Variants in STON2 observed in about 807,000 individuals in gnomAD.
The protein encoded by STON2 is stonin-2.
STON2 carries 29 observed loss-of-function variants against 65.7 expected under a neutral mutation model. That is an observed-to-expected ratio of 0.44 (90% CI 0.33 to 0.60). The LOEUF (loss-of-function observed/expected upper bound fraction) is 0.60. Ranked by LOEUF, STON2 falls within the 20% of genes least tolerant of loss-of-function variation. The pLI is 0.03. For synonymous variants in STON2, 404 were observed against 414.2 expected (o/e 0.98, Z 0.30); for missense variants, 1,054 against 1,118.1 (o/e 0.94, Z 0.82).
In STON2 at chr14:81,267,044, A is replaced by T. The variant is rs1894383898; in HGVS notation, c.*1370T>A. ...CATTGAATACATTAATCTTGAATCC[A>T]TCAGCCAAAAACTGGAGATATTTTT... On this transcript the variant is annotated 3_prime_UTR_variant, in exon 8 of 8. Transcript: ENST00000614646. The T allele has an allele frequency of 3.0e-6, 3 of 985,318 alleles. No homozygotes were observed. Among genetic ancestry groups the T allele is most frequent in the Non-Finnish European group, 1.2e-6 (1 of 829,902 alleles). 61.0% of individuals were successfully genotyped at this position (985,318 alleles called of 1,614,324 possible). A position where few individuals can be genotyped will look rare whatever the true frequency, so the allele number is the denominator to read the frequency against.
intron 5 of STON2, among the ~76,000 whole-genome samples, chr14:81,294,892 T>C (rs1895699564): frequency 6.6e-6 from 1 of 152,332 alleles, no homozygotes; most frequent in South Asian, 2.1e-4. Flanking sequence ...TTCTAAACAT[T>C]CAAAAGTGCT....
intron 3 of STON2, among the ~76,000 whole-genome samples, chr14:81,383,347 G>C (rs144912984): frequency 0.013 from 2,028 of 152,310 alleles, 53 homozygotes; most frequent in African/African-American, 0.046. Flanking sequence ...TGAGGCACTA[G>C]CAAAAGTGCT....
Position 81,265,442 on chromosome 14 carries a change from G to A in STON2, c.*2972C>T, listed in dbSNP as rs1894318598. 1 of 727,106 alleles carries A rather than the reference G, an allele frequency of 1.4e-6. No homozygotes were observed. Among genetic ancestry groups the A allele is most frequent in the Non-Finnish European group, 1.7e-6 (1 of 594,770 alleles). 45.0% of individuals were successfully genotyped at this position (727,106 alleles called of 1,614,324 possible). ...GACTGAGGCAGGCTTATCACCTGAG[G>A]TCAGACATTCGAGACCAGCCTGGCC... On this transcript the variant is annotated 3_prime_UTR_variant, in exon 8 of 8. Coordinates refer to ENST00000614646, the MANE Select transcript of STON2 (RefSeq NM_001394390.1).
chr14:81,371,088 T>C lies in STON2; in HGVS notation c.471A>G (p.Glu157=). The change falls in exon 4 of 8, where the codon GAA becomes GAG. Residue 157 remains glutamate, a synonymous_variant. Transcript: ENST00000614646. ...ATCCAAAGCTAGGACTGCTGGTGTC[T>C]TCAGAATGGGTGGTCCAGCTGCTCT... ...TSESSWTTHS[E]DTSSPSFGCS... 2 of 1,614,070 alleles carry C rather than the reference T, an allele frequency of 1.2e-6. No homozygotes were observed.
chr14:81,280,070 G>A (rs950759744), intron 5 of STON2, among the ~76,000 whole-genome samples: 1 of 152,152 alleles, frequency 6.6e-6, no homozygotes, highest in Non-Finnish European at 1.5e-5. Context: ...CAGTATATCA[G>A]GAGAAAATGC....
At chr14:81,405,303 G>A (rs757483888), upstream of STON2, among the ~76,000 whole-genome samples, 2 of 151,640 alleles carry the variant, frequency 1.3e-5, no homozygotes, top group African/African-American at 2.4e-5. Flanking sequence ...ATTTTATAAT[G>A]TTATTTTACA....
chr14:81,298,194 C>G (rs1393494702), intron 5 of STON2, among the ~76,000 whole-genome samples: 1 of 152,126 alleles, frequency 6.6e-6, no homozygotes, highest in African/African-American at 2.4e-5. Flanking sequence ...GCGATGAAGC[C>G]TATTCTAGAT....
rs199521890 is a variant in STON2 at position 81,276,940 on chromosome 14, T to G, written c.2542A>C (p.Ile848Leu). The change falls in exon 6 of 8, where the codon ATT becomes CTT. Residue 848 changes from isoleucine (I) to leucine (L), a missense_variant. Ile to Leu is a conservative substitution (Grantham distance 5). Transcript: ENST00000614646. ...TAKYEHAFNSIVWRINRLPDK... is the reference protein window; with the variant it reads ...TAKYEHAFNSLVWRINRLPDK... Reference sequence around the variant, plus strand: ...GGCAGTCGGTTTATCCTCCACACAATGGAGTTGAAGGCATGCTCGTACTTG... The same window carrying G: ...GGCAGTCGGTTTATCCTCCACACAAGGGAGTTGAAGGCATGCTCGTACTTG... 485 of 1,613,938 alleles carry G rather than the reference T, an allele frequency of 3.0e-4. No homozygotes were observed. The highest frequency in any genetic ancestry group is 3.2e-4 in the Non-Finnish European group (376 of 1,179,978).
chr14:81,287,578 G>C (rs1174435062), intron 5 of STON2, among the ~76,000 whole-genome samples: 3 of 152,274 alleles, frequency 2.0e-5, no homozygotes, highest in African/African-American at 7.2e-5. Flanking sequence ...AGGACAGCCT[G>C]ACCTGACACA....
intron 5 of STON2, among the ~76,000 whole-genome samples, chr14:81,297,447 G>A (rs1175357789): frequency 6.6e-6 from 1 of 152,190 alleles, no homozygotes; most frequent in African/African-American, 2.4e-5. Context: ...CATTTGGACT[G>A]TAGCTCTACA....
chr14:81,378,814 A>G (rs1899377865), intron 3 of STON2, among the ~76,000 whole-genome samples: 1 of 152,238 alleles, frequency 6.6e-6, no homozygotes, highest in African/African-American at 2.4e-5. Context: ...CACTGCAATA[A>G]CATATTAAAA....
Position 81,395,920 on chromosome 14 carries a change from G to A in STON2, c.347C>T (p.Pro116Leu), listed in dbSNP as rs776993769. The A allele has an allele frequency of 1.6e-5, 26 of 1,614,132 alleles. No homozygotes were observed. Among genetic ancestry groups the A allele is most frequent in the Non-Finnish European group, 2.0e-5 (24 of 1,180,014 alleles). ...TGTCTCAGCTGTTTCCTGATGAGGT[G>A]GAGATGTGCTGGCCCAGGGTGTGTC... is the stretch of plus-strand genomic sequence containing the variant. ...EDDTPWASTS[P>L]PHQETAETAL... Residue 116 changes from proline (P) to leucine (L), a missense_variant, in exon 3 of 8, where the codon CCA becomes CTA. Transcript: ENST00000614646.
intron 4 of STON2, among the ~76,000 whole-genome samples, chr14:81,336,761 C>T (rs982374536): frequency 6.6e-6 from 1 of 152,076 alleles, no homozygotes; most frequent in African/African-American, 2.4e-5. Context: ...ACTATCTCCT[C>T]ACCATCAACA....
At chr14:81,434,451 T>A (rs1287009752) in intron 1 of STON2, among the ~76,000 whole-genome samples, 1 of 152,192 alleles carries the variant, frequency 6.6e-6, no homozygotes, top group African/African-American at 2.4e-5. Context: ...CTTGAAAGAT[T>A]GCATCTGGAA....
chr14:81,264,067 A>G lies in STON2; in HGVS notation c.*4347T>C. ...ACTCTATCAAATGCTTTCTTTTCCTACTGACCATTGAAATGGGCAAGGCTC... is the reference window on the plus strand; with the variant it reads ...ACTCTATCAAATGCTTTCTTTTCCTGCTGACCATTGAAATGGGCAAGGCTC... On this transcript the variant is annotated 3_prime_UTR_variant, in exon 8 of 8. Coordinates refer to ENST00000614646, the MANE Select transcript of STON2 (RefSeq NM_001394390.1). The G allele has an allele frequency of 2.0e-6, 2 of 985,412 alleles. No homozygotes were observed. Among genetic ancestry groups the G allele is most frequent in the Non-Finnish European group, 2.4e-6 (2 of 829,928 alleles). The allele number at this position is 985,412 out of a possible 1,614,324, so 61.0% of individuals were successfully genotyped here.
chr14:81,288,226 G>C (rs1895415375), intron 5 of STON2, among the ~76,000 whole-genome samples: 2 of 152,158 alleles, frequency 1.3e-5, no homozygotes, highest in South Asian at 4.1e-4. Flanking sequence ...TTCAACTGTA[G>C]AGTGTATCGC....
At position 81,262,690 on chromosome 14, in the gene STON2, T is replaced by C. The variant is rs934621463; in HGVS notation, c.*5724A>G. On this transcript the variant is annotated 3_prime_UTR_variant, in exon 8 of 8. Coordinates refer to ENST00000614646, the MANE Select transcript of STON2 (RefSeq NM_001394390.1). ...CCTTTACAGGCTTAGAATTGACAAATTGAGAGACACATTTTTTTTTCAATT... is the reference window on the plus strand; with the variant it reads ...CCTTTACAGGCTTAGAATTGACAAACTGAGAGACACATTTTTTTTTCAATT... 8.1e-6 allele frequency: 8 copies of C among 985,372 alleles called. No individual in the cohort carries two copies. The highest frequency in any genetic ancestry group is 4.7e-5 in the South Asian group (1 of 21,290). The allele number at this position is 985,372 out of a possible 1,614,324, so 61.0% of individuals were successfully genotyped here. A position where few individuals can be genotyped will look rare whatever the true frequency, so the allele number is the denominator to read the frequency against.
intron 5 of STON2, among the ~76,000 whole-genome samples, chr14:81,315,174 T>A (rs1387049302): frequency 6.6e-6 from 1 of 152,224 alleles, no homozygotes; most frequent in Non-Finnish European, 1.5e-5. Context: ...TTACTATCAC[T>A]CTATTTGCTA....
intron 1 of STON2, among the ~76,000 whole-genome samples, chr14:81,432,131 G>C (rs1902249423): frequency 2.0e-5 from 3 of 152,034 alleles, no homozygotes; most frequent in African/African-American, 7.3e-5. Context: ...TGGTTTATTG[G>C]GACCCTAGGT....
Sources: gnomAD v4.1 joint callset for allele counts (sites outside exome capture counted in the v4.1 genomes callset) on GRCh38, gnomAD v4.1.1 for gene constraint, MANE v1.5 for transcripts, NCBI Gene and HGNC (gene_info 2026-07-23, HGNC 2026-07-21) for gene names.